ARMC2: variants seen among roughly 807,000 people sequenced by gnomAD.
The protein encoded by ARMC2 is armadillo repeat containing 2.
A neutral mutation model predicts 90.3 loss-of-function variants in ARMC2; 67 were observed. The observed-to-expected ratio is 0.74, with a 90% CI of 0.61 to 0.91. The LOEUF (loss-of-function observed/expected upper bound fraction) is 0.91, where lower values mean the gene tolerates loss of function less well. Ranked by LOEUF, ARMC2 falls within the 40% of genes least tolerant of loss-of-function variation. The probability of loss-of-function intolerance (pLI) is 0.00; values close to 1 mark genes in which losing one functional copy is unlikely to be tolerated. For missense variants in ARMC2, 920 were observed against 1,030.9 expected (o/e 0.89, Z 1.47); for synonymous variants, 393 against 393.0 (o/e 1.00, Z 0.00).
At chr6:108,965,564 C>T (rs184707728) in intron 17 of ARMC2, among the ~76,000 whole-genome samples, 19 of 152,190 alleles carry the variant, frequency 1.2e-4, no homozygotes, top group African/African-American at 4.6e-4. Context: ...GGGTGAGGGC[C>T]TGTGAGACTA....
intron 1 of ARMC2, among the ~76,000 whole-genome samples, chr6:108,851,942 C>CT (rs979026392): frequency 6.6e-6 from 1 of 152,146 alleles, no homozygotes. Context: ...TTTTATTCCT[C>CT]TTTGTGTTTC....
chr6:108,957,318 G>A (rs1473381049), intron 13 of ARMC2, among the ~76,000 whole-genome samples: 3 of 152,216 alleles, frequency 2.0e-5, no homozygotes, highest in African/African-American at 7.2e-5. Context: ...GCCCTGCTAA[G>A]CCCTTTCTAC....
chr6:108,891,759 C>T (rs1769385200), intron 5 of ARMC2, among the ~76,000 whole-genome samples: 1 of 152,176 alleles, frequency 6.6e-6, no homozygotes, highest in African/African-American at 2.4e-5. Context: ...AATTAGATCC[C>T]ATTTGTCAAT....
chr6:109,052,913 C>CTTA, the ARMC2 span, among the ~76,000 whole-genome samples: 1 of 152,130 alleles, frequency 6.6e-6, no homozygotes, highest in Admixed American at 6.5e-5. Flanking sequence ...CCCCGTAGAG[C>CTTA]TTATAATCTA....
chr6:109,011,769 C>T, the ARMC2 span, among the ~76,000 whole-genome samples: 1 of 151,860 alleles, frequency 6.6e-6, no homozygotes, highest in Non-Finnish European at 1.5e-5. Flanking sequence ...GCTGGCACTA[C>T]AGGCAGAGGC....
the ARMC2 span, among the ~76,000 whole-genome samples, chr6:109,031,566 C>T: frequency 6.6e-6 from 1 of 152,294 alleles, no homozygotes; most frequent in Admixed American, 6.5e-5. Flanking sequence ...GAGAACCCTT[C>T]CCTGACCCCT....
At chr6:108,959,154 TG>T (rs2128509329) in intron 13 of ARMC2, among the ~76,000 whole-genome samples, 1 of 152,354 alleles carries the variant, frequency 6.6e-6, no homozygotes, top group Non-Finnish European at 1.5e-5. Context: ...TACCAGGTAC[TG>T]GGCCTATGCT....
the ARMC2 span, among the ~76,000 whole-genome samples, chr6:108,985,074 A>C: frequency 6.6e-6 from 1 of 152,194 alleles, no homozygotes; most frequent in Non-Finnish European, 1.5e-5. Flanking sequence ...TGATATTCAC[A>C]TATACAAATA....
chr6:108,978,834 C>A (rs1359459528), downstream of ARMC2, among the ~76,000 whole-genome samples: 1 of 142,258 alleles, frequency 7.0e-6, no homozygotes, highest in Non-Finnish European at 1.5e-5. Context: ...TTTTTTTTTT[C>A]TTTCTGTTTG....
At chr6:108,867,771 C>CAA (rs879705774) in intron 3 of ARMC2, among the ~76,000 whole-genome samples, 2 of 138,806 alleles carry the variant, frequency 1.4e-5, no homozygotes, top group Non-Finnish European at 3.1e-5. Flanking sequence ...AACTTCATCT[C>CAA]AAAAAAAAAA....
the ARMC2 span, chr6:109,009,304 C>G: frequency 4.2e-5 from 59 of 1,416,834 alleles, no homozygotes; most frequent in Admixed American, 1.9e-4. Flanking sequence ...GCAGCTCGGC[C>G]GGGTGCCCAC....
intron 8 of ARMC2, among the ~76,000 whole-genome samples, chr6:108,907,415 A>G (rs1772852236): frequency 1.3e-5 from 2 of 150,912 alleles, no homozygotes; most frequent in African/African-American, 2.4e-5. Context: ...GGAATAATAT[A>G]TATTTCCATC....
chr6:108,938,599 CTTTTT>C (rs4027582), intron 12 of ARMC2, among the ~76,000 whole-genome samples: 1 of 83,104 alleles, frequency 1.2e-5, no homozygotes, highest in Admixed American at 1.7e-4. Context: ...CCATTACTAC[CTTTTT>C]TTTTTTTTTT....
At chr6:109,002,603 A>G in the ARMC2 span, among the ~76,000 whole-genome samples, 4 of 152,226 alleles carry the variant, frequency 2.6e-5, no homozygotes, top group African/African-American at 9.6e-5. Flanking sequence ...CAGAAAGTCT[A>G]GAACAGAAAG....
intron 12 of ARMC2, among the ~76,000 whole-genome samples, chr6:108,947,547 C>T (rs1011714990): frequency 6.6e-6 from 1 of 152,172 alleles, no homozygotes; most frequent in African/African-American, 2.4e-5. Context: ...GTGAGCAGTG[C>T]CCTGTTCCTG....
At chr6:108,994,368 A>G in the ARMC2 span, 6 of 1,004,068 alleles carry the variant, frequency 6.0e-6, no homozygotes, top group Non-Finnish European at 8.7e-6. Flanking sequence ...AAGGAAGGAC[A>G]TATTTAGATT....
At chr6:109,025,092 G>T in the ARMC2 span, among the ~76,000 whole-genome samples, 3 of 152,092 alleles carry the variant, frequency 2.0e-5, no homozygotes, top group Admixed American at 1.3e-4. Flanking sequence ...GGGAAATTGG[G>T]AGGTAGATCA....
rs184950861 is a variant in ARMC2, at chr6:108,951,215, C to T, written c.1597-1818C>T. Among the ~76,000 whole-genome samples the T allele has an allele frequency of 2.3e-3, 350 of 152,278 alleles. 3 individuals carry two copies. Among genetic ancestry groups the T allele is most frequent in the African/African-American group, 7.7e-3 (320 of 41,552 alleles). On this transcript the variant is annotated intron_variant, in intron 12 of 17. Transcript: ENST00000392644. ...TTTCACGTCTCGCTTCTTCCTTTGC[C>T]GTTTTAGTCTTTGCCGTTTCCCCAC...
At chr6:109,047,523 G>C in the ARMC2 span, among the ~76,000 whole-genome samples, 1 of 129,700 alleles carries the variant, frequency 7.7e-6, no homozygotes, top group South Asian at 3.0e-4. Context: ...GGTGAGGGGC[G>C]CCTCTGCCCG....
Sources: allele counts gnomAD v4.1 joint callset (sites outside exome capture counted in the v4.1 genomes callset), GRCh38; gene constraint gnomAD v4.1.1; transcripts MANE v1.5; gene names NCBI Gene and HGNC (gene_info 2026-07-23, HGNC 2026-07-21).